ZFP2: variants seen among roughly 807,000 people sequenced by gnomAD.
ZFP2 encodes ZFP2 zinc finger protein.
In ZFP2, 33 loss-of-function variants were observed where a neutral mutation model predicts 36.1. The ratio of observed to expected loss-of-function variants is 0.92; its 90% CI spans 0.69 to 1.22. ZFP2 has a LOEUF of 1.22. Ranked by LOEUF, ZFP2 falls within the 50% of genes most tolerant of loss-of-function variation. The probability of loss-of-function intolerance (pLI) is 0.00; values close to 1 mark genes in which losing one functional copy is unlikely to be tolerated. For synonymous variants in ZFP2, 170 were observed against 178.0 expected, an observed-to-expected ratio of 0.96 and a Z score of 0.36; for missense variants, 522 against 551.4, an observed-to-expected ratio of 0.95 and a Z score of 0.53.
intron 4 of ZFP2, among the ~76,000 whole-genome samples, chr5:178,928,862 C>T (rs2113125526): frequency 6.6e-6 from 1 of 152,340 alleles, no homozygotes; most frequent in South Asian, 2.1e-4. Context: ...GGCCTCTGCC[C>T]CTGCAGCAGG....
chr5:178,906,868 C>CA (rs1758177580), intron 1 of ZFP2, among the ~76,000 whole-genome samples: 1 of 146,138 alleles, frequency 6.8e-6, no homozygotes, highest in Non-Finnish European at 1.5e-5. Context: ...GAGTTTTTGT[C>CA]TTTTTTTTTT....
At chr5:178,900,385 C>A in intron 1 of ZFP2, among the ~76,000 whole-genome samples, 1 of 119,198 alleles carries the variant, frequency 8.4e-6, no homozygotes, top group South Asian at 3.4e-4. Flanking sequence ...CCACGTCCCC[C>A]ACCCCAGCCA....
At chr5:178,930,314 C>CTTTTTTTTTTTTT (rs990713790) in intron 4 of ZFP2, among the ~76,000 whole-genome samples, 7 of 71,370 alleles carry the variant, frequency 9.8e-5, no homozygotes, top group Non-Finnish European at 1.5e-4. Context: ...TTTCCCTTTC[C>CTTTTTTTTTTTTT]TTTTTTTTTT....
chr5:178,921,420 C>T (rs1481540856), intron 4 of ZFP2, among the ~76,000 whole-genome samples: 3 of 150,122 alleles, frequency 2.0e-5, no homozygotes, highest in African/African-American at 7.3e-5. Flanking sequence ...AGTGGGGCTT[C>T]TTGCTACCCT....
At chr5:178,922,358 G>A in intron 4 of ZFP2, 2 of 1,039,952 alleles carry the variant, frequency 1.9e-6, no homozygotes, top group South Asian at 2.5e-5. Context: ...TGTAATTTTT[G>A]TTCTATATGG....
Position 178,931,156 on chromosome 5 carries a change from A to G in ZFP2, c.-77-81A>G, listed in dbSNP as rs1758825221. On this transcript the variant is annotated intron_variant, in intron 4 of 4. Transcript: ENST00000361362. Reference sequence around the variant, plus strand: ...GTTATTTTAGTTGATAGCTAGTTTAATTCTCTCATTCCTACCTTATGCAGT... The same window carrying G: ...GTTATTTTAGTTGATAGCTAGTTTAGTTCTCTCATTCCTACCTTATGCAGT... 8 of 1,378,974 alleles carry G rather than the reference A, an allele frequency of 5.8e-6. No individual in the cohort carries two copies. The South Asian group carries it at 1.2e-4, about 21-fold the overall frequency. 85.4% of individuals were successfully genotyped at this position (1,378,974 alleles called of 1,614,324 possible).
At chr5:178,929,909 A>ACAAGAGGCATAGTGC (rs1302337047) in intron 4 of ZFP2, among the ~76,000 whole-genome samples, 5 of 146,928 alleles carry the variant, frequency 3.4e-5, no homozygotes, top group Non-Finnish European at 3.0e-5. Context: ...CAGTTCCTGT[A>ACAAGAGGCATAGTGC]CAAGAGGCAT....
rs566454685 is a variant in ZFP2 at position 178,922,198 on chromosome 5, C to T, written c.-78+5488C>T. ...TGGAAACACACTTGACATGGTTGTGCGTCTGTTCTGGTTTTGTAACTGCTG... is the reference window on the plus strand; with the variant it reads ...TGGAAACACACTTGACATGGTTGTGTGTCTGTTCTGGTTTTGTAACTGCTG... On this transcript the variant is annotated intron_variant, in intron 4 of 4. Coordinates refer to ENST00000361362, the MANE Select transcript of ZFP2 (RefSeq NM_030613.4). The T allele has an allele frequency of 1.7e-4, 189 of 1,106,438 alleles. 12 individuals are homozygous for T. The African/African-American group carries it at 2.0e-3, about 12-fold the overall frequency. The allele number at this position is 1,106,438 out of a possible 1,614,324, so 68.5% of individuals were successfully genotyped here.
chr5:178,929,444 G>C (rs1758770685), intron 4 of ZFP2, among the ~76,000 whole-genome samples: 3 of 152,192 alleles, frequency 2.0e-5, no homozygotes, highest in Admixed American at 2.0e-4. Flanking sequence ...TTGCTGCTTA[G>C]AAATTTCGTC....
intron 1 of ZFP2, among the ~76,000 whole-genome samples, chr5:178,898,960 T>C (rs1312349039): frequency 6.8e-6 from 1 of 147,486 alleles, no homozygotes; most frequent in Middle Eastern, 3.2e-3. Context: ...AGAGGGCACA[T>C]CTGCATGGTA....
At chr5:178,924,139 C>T (rs762082734) in intron 4 of ZFP2, among the ~76,000 whole-genome samples, 9 of 148,570 alleles carry the variant, frequency 6.1e-5, no homozygotes, top group African/African-American at 1.2e-4. Flanking sequence ...TTTTTGAGGC[C>T]GAGGCGGGCG....
Position 178,932,747 on chromosome 5 carries a change from A to G in ZFP2, c.*48A>G, listed in dbSNP as rs775014010. 4 of 1,525,002 alleles carry G rather than the reference A, an allele frequency of 2.6e-6. No homozygotes were observed. In the East Asian group the frequency reaches 6.8e-5, roughly 26 times the overall value. 94.5% of individuals were successfully genotyped at this position (1,525,002 alleles called of 1,614,324 possible). On this transcript the variant is annotated 3_prime_UTR_variant, in exon 5 of 5. Coordinates refer to ENST00000361362, the MANE Select transcript of ZFP2 (RefSeq NM_030613.4). ...CCTCATGATTAACTCTTCAGTAATA[A>G]TCATATGAGACATACAATGTAGAAA...
intron 1 of ZFP2, among the ~76,000 whole-genome samples, chr5:178,903,119 TAAAG>T (rs1182124018): frequency 2.0e-5 from 3 of 152,196 alleles, no homozygotes; most frequent in Non-Finnish European, 2.9e-5. Flanking sequence ...TGTTGAGAAA[TAAAG>T]TGTAATTGTC....
chr5:178,916,778 C>T, intron 4 of ZFP2, 68 bp downstream of exon 4: 2 of 962,234 alleles, frequency 2.1e-6, no homozygotes, highest in Non-Finnish European at 2.5e-6. Context: ...ATGTCAGAAT[C>T]TGAACACATA....
intron 1 of ZFP2, chr5:178,910,258 C>G (rs114709316): frequency 1.4e-5 from 22 of 1,536,186 alleles, no homozygotes; most frequent in Non-Finnish European, 1.9e-5. Flanking sequence ...TCTGTGGGGT[C>G]GACACATAGG....
At chr5:178,901,159 ATACTT>A (rs150346161) in intron 1 of ZFP2, among the ~76,000 whole-genome samples, 29,961 of 152,070 alleles carry the variant, frequency 0.2, 3,082 homozygotes, top group Non-Finnish European at 0.24. Context: ...TTGTGGATAT[ATACTT>A]TAATTTCTCT....
intron 1 of ZFP2, among the ~76,000 whole-genome samples, chr5:178,907,715 G>C (rs1453143973): frequency 6.6e-6 from 1 of 151,844 alleles, no homozygotes; most frequent in Admixed American, 6.6e-5. Flanking sequence ...CAACCACCAG[G>C]AACAGAAACT....
intron 4 of ZFP2, among the ~76,000 whole-genome samples, chr5:178,927,011 G>A (rs1758687807): frequency 6.6e-6 from 1 of 152,172 alleles, no homozygotes; most frequent in Non-Finnish European, 1.5e-5. Flanking sequence ...CATAGGCCTT[G>A]GTTTGTTTGT....
chr5:178,924,289 C>T lies in ZFP2; in HGVS notation c.-77-6948C>T, dbSNP rs757800301. On this transcript the variant is annotated intron_variant, in intron 4 of 4. Transcript: ENST00000361362. Reference sequence around the variant, plus strand: ...TCGGGAGGCTGAGGCAGGAGAATGGCGTGAACCCAGGAGGTGGAGCTTGCA... The same window carrying T: ...TCGGGAGGCTGAGGCAGGAGAATGGTGTGAACCCAGGAGGTGGAGCTTGCA... Among the ~76,000 whole-genome samples, 56 of 145,972 alleles carry T rather than the reference C, an allele frequency of 3.8e-4. 4 individuals carry two copies. The highest frequency in any genetic ancestry group is 6.3e-4 in the Non-Finnish European group (41 of 65,268).
Sources: gnomAD v4.1 joint callset for allele counts (sites outside exome capture counted in the v4.1 genomes callset) on GRCh38, gnomAD v4.1.1 for gene constraint, MANE v1.5 for transcripts, NCBI Gene and HGNC (gene_info 2026-07-23, HGNC 2026-07-21) for gene names.